The following CSMD1 variants were observed in gnomAD, a reference collection of about 807,000 sequenced individuals.
CSMD1 encodes CUB and Sushi multiple domains 1.
Under a neutral mutation model 417.5 loss-of-function variants are expected in CSMD1, and 213 were observed. That is an observed-to-expected ratio of 0.51 (90% CI 0.46 to 0.57). The LOEUF (loss-of-function observed/expected upper bound fraction) is 0.57, where lower values mean the gene tolerates loss of function less well. Among genes scored for constraint, CSMD1 ranks in the 20% least tolerant of loss-of-function variants. The pLI, the probability that CSMD1 is intolerant of heterozygous loss-of-function variation, is 0.00. For synonymous variants in CSMD1, 2,862 were observed against 1,736.8 expected, an observed-to-expected ratio of 1.65 and a Z score of -16.11; for missense variants, 6,923 against 4,529.7, an observed-to-expected ratio of 1.53 and a Z score of -15.17.
chr8:3,873,403 G>T (rs1233348011), intron 5 of CSMD1, among the ~76,000 whole-genome samples: 1 of 152,098 alleles, frequency 6.6e-6, no homozygotes, highest in Non-Finnish European at 1.5e-5. Flanking sequence ...GTCCTTGGCA[G>T]GCACATGGAT....
chr8:3,349,208 C>A (rs1356890442), intron 21 of CSMD1, among the ~76,000 whole-genome samples: 3 of 152,210 alleles, frequency 2.0e-5, no homozygotes, highest in African/African-American at 7.2e-5. Context: ...TCCTTTTCCA[C>A]TGGGTTGCTC....
chr8:3,905,928 C>T (rs1330541481), intron 5 of CSMD1, among the ~76,000 whole-genome samples: 1 of 152,108 alleles, frequency 6.6e-6, no homozygotes, highest in Non-Finnish European at 1.5e-5. Context: ...AATTTATAAC[C>T]ATGTTTTTGG....
At chr8:3,946,086 G>C (rs1321697611) in intron 5 of CSMD1, among the ~76,000 whole-genome samples, 1 of 152,112 alleles carries the variant, frequency 6.6e-6, no homozygotes, top group Non-Finnish European at 1.5e-5. Context: ...ATGGTGATCT[G>C]TGGAGGACTT....
intron 49 of CSMD1, among the ~76,000 whole-genome samples, chr8:3,062,217 C>T (rs1241590613): frequency 6.6e-6 from 1 of 151,982 alleles, no homozygotes. Flanking sequence ...TAATTAGGCA[C>T]CAAGAAACAT....
At position 3,035,016 on chromosome 8, in the gene CSMD1, G is replaced by A. The variant is rs187992155; in HGVS notation, c.7661-5503C>T. On this transcript the variant is annotated intron_variant, in intron 50 of 69. Coordinates refer to ENST00000635120, the MANE Select transcript of CSMD1 (RefSeq NM_033225.6). Reference sequence around the variant, plus strand: ...GCCCTAACACTCAAAGGCAGTTGCAGTAAACATGCACGCCTCCCCTAAGAC... The same window carrying A: ...GCCCTAACACTCAAAGGCAGTTGCAATAAACATGCACGCCTCCCCTAAGAC... Among the ~76,000 whole-genome samples the A allele has an allele frequency of 1.9e-3, 285 of 151,546 alleles. 1 individual carries two copies. The highest frequency in any genetic ancestry group is 6.7e-3 in the African/African-American group (279 of 41,498).
intron 3 of CSMD1, among the ~76,000 whole-genome samples, chr8:4,418,309 G>T (rs1277811712): frequency 6.6e-6 from 1 of 151,988 alleles, no homozygotes; most frequent in Non-Finnish European, 1.5e-5. Context: ...TGATCTTTTG[G>T]AGTAACAAAG....
chr8:4,229,029 A>C (rs1700054), intron 3 of CSMD1, among the ~76,000 whole-genome samples: 7,665 of 152,130 alleles, frequency 0.05, 232 homozygotes, highest in Middle Eastern at 0.099. Context: ...CATATATCCG[A>C]CTGTCTTCTC....
chr8:3,276,429 A>G (rs1200449166), intron 26 of CSMD1, among the ~76,000 whole-genome samples: 1 of 152,188 alleles, frequency 6.6e-6, no homozygotes, highest in Non-Finnish European at 1.5e-5. Flanking sequence ...TCCGACTGCA[A>G]GTCACATCTT....
chr8:3,541,789 A>T (rs1241879746), intron 10 of CSMD1, among the ~76,000 whole-genome samples: 7 of 151,216 alleles, frequency 4.6e-5, no homozygotes. Context: ...TGTTCTTTTT[A>T]AAAAACAAAA....
At chr8:3,645,960 T>C (rs1280410991) in intron 7 of CSMD1, among the ~76,000 whole-genome samples, 1 of 152,128 alleles carries the variant, frequency 6.6e-6, no homozygotes, top group African/African-American at 2.4e-5. Context: ...CATAAAATAA[T>C]TAAATTTAGA....
At chr8:4,337,838 C>G (rs897743339) in intron 3 of CSMD1, among the ~76,000 whole-genome samples, 1 of 152,100 alleles carries the variant, frequency 6.6e-6, no homozygotes, top group East Asian at 1.9e-4. Context: ...TATAAAACTT[C>G]TTGTTCCTTC....
At chr8:3,609,920 G>C (rs1386305823) in intron 8 of CSMD1, among the ~76,000 whole-genome samples, 1 of 137,398 alleles carries the variant, frequency 7.3e-6, no homozygotes, top group African/African-American at 2.7e-5. Flanking sequence ...TCCTGCCTCA[G>C]CCTCCCAAGT....
At chr8:4,042,058 T>C (rs1297748504) in intron 3 of CSMD1, among the ~76,000 whole-genome samples, 1 of 151,832 alleles carries the variant, frequency 6.6e-6, no homozygotes. Flanking sequence ...CAGACACAAG[T>C]ATGTAATTAA....
chr8:3,309,683 C>G (rs929942087), intron 23 of CSMD1, among the ~76,000 whole-genome samples: 14 of 152,132 alleles, frequency 9.2e-5, no homozygotes, highest in African/African-American at 3.4e-4. Flanking sequence ...TTCCACCAAA[C>G]TTTGAATGCT....
At chr8:4,862,251 A>T (rs753204777) in intron 1 of CSMD1, among the ~76,000 whole-genome samples, 1 of 152,080 alleles carries the variant, frequency 6.6e-6, no homozygotes, top group African/African-American at 2.4e-5. Flanking sequence ...AGTGAACGAG[A>T]TGAGCTCACA....
intron 1 of CSMD1, among the ~76,000 whole-genome samples, chr8:4,789,374 C>T (rs972982959): frequency 6.6e-6 from 1 of 152,142 alleles, no homozygotes; most frequent in South Asian, 2.1e-4. Context: ...GTCTTTGTAG[C>T]TCTCTGGCTC....
intron 2 of CSMD1, among the ~76,000 whole-genome samples, chr8:4,530,457 A>T (rs1490127817): frequency 6.6e-6 from 1 of 150,388 alleles, no homozygotes; most frequent in African/African-American, 2.5e-5. Context: ...TAATCCCCAC[A>T]TGCATTAGGT....
chr8:2,951,261 A>G lies in CSMD1; in HGVS notation c.10054T>C (p.Phe3352Leu). 1 of 1,604,484 alleles carries G rather than the reference A, an allele frequency of 6.2e-7. No homozygotes were observed. The highest frequency in any genetic ancestry group is 8.5e-7 in the Non-Finnish European group (1 of 1,175,010). ...CCCTTCCACAGTGAATTGACGAAAAAGACATCTGAAGGAACTGTGGGAAGG... is the reference window on the plus strand; with the variant it reads ...CCCTTCCACAGTGAATTGACGAAAAGGACATCTGAAGGAACTGTGGGAAGG... The part of the protein sequence containing the change: ...VTKTPVPSDV[F>L]FVNSLWKGYY... Residue 3352 changes from phenylalanine to leucine, a missense_variant, in exon 66 of 70, where the codon TTT becomes CTT. Transcript: ENST00000635120.
In CSMD1 at chr8:4,022,593, C is replaced by T. The variant is rs147473238; in HGVS notation, c.610+9312G>A. 2.8e-3 allele frequency among the ~76,000 whole-genome samples: 432 copies of T among 152,216 alleles called. 1 individual carries two copies. Among genetic ancestry groups the T allele is most frequent in the African/African-American group, 9.9e-3 (411 of 41,540 alleles). ...TGAGGGCACGAGTAAAGAGAAGCCT[C>T]CAAGTTACTGCTTTGCGACAGTCCT... On this transcript the variant is annotated intron_variant, in intron 4 of 69. Transcript: ENST00000635120.
Sources: gnomAD v4.1 joint callset for allele counts (sites outside exome capture counted in the v4.1 genomes callset) on GRCh38, gnomAD v4.1.1 for gene constraint, MANE v1.5 for transcripts, NCBI Gene and HGNC (gene_info 2026-07-23, HGNC 2026-07-21) for gene names.